The following SGCD variants were observed in gnomAD, a reference collection of about 807,000 sequenced individuals.
The protein encoded by SGCD is sarcoglycan delta.
SGCD carries 18 observed loss-of-function variants against 36.6 expected under a neutral mutation model. That is an observed-to-expected ratio of 0.49 (90% CI 0.34 to 0.73). The LOEUF is 0.73. Among genes scored for constraint, SGCD ranks in the 30% least tolerant of loss-of-function variants. The pLI, the probability that SGCD is intolerant of heterozygous loss-of-function variation, is 0.01. For synonymous variants in SGCD, 133 were observed against 130.6 expected (o/e 1.02, Z -0.12); for missense variants, 387 against 346.7 (o/e 1.12, Z -0.92).
At chr5:156,164,409 T>C (rs918179535) in intron 3 of SGCD, among the ~76,000 whole-genome samples, 2 of 152,210 alleles carry the variant, frequency 1.3e-5, no homozygotes, top group Non-Finnish European at 2.9e-5. Flanking sequence ...CTTTTCTCTC[T>C]GCCTTTTCAG....
intron 3 of SGCD, among the ~76,000 whole-genome samples, chr5:156,203,773 C>T (rs1366227): frequency 0.39 from 59,150 of 151,798 alleles, 13,274 homozygotes; most frequent in African/African-American, 0.62. Context: ...AGTTAATTAG[C>T]GGCAGTGGAG....
At chr5:155,781,998 C>A in the SGCD span, among the ~76,000 whole-genome samples, 1 of 150,712 alleles carries the variant, frequency 6.6e-6, no homozygotes, top group South Asian at 2.1e-4. Context: ...TCATTTCAAT[C>A]ACAGCCATAC....
At chr5:156,753,427 A>C (rs1235527658) in intron 7 of SGCD, among the ~76,000 whole-genome samples, 1 of 152,194 alleles carries the variant, frequency 6.6e-6, no homozygotes, top group Non-Finnish European at 1.5e-5. Context: ...ATGCCATCTA[A>C]ACAATTGTGT....
chr5:156,444,798 T>TAAA (rs1753689457), intron 3 of SGCD, among the ~76,000 whole-genome samples: 1 of 152,168 alleles, frequency 6.6e-6, no homozygotes, highest in Non-Finnish European at 1.5e-5. Flanking sequence ...TCAACATTTT[T>TAAA]AAGCTTAAAA....
chr5:155,970,862 C>G (rs1420573839), intron 1 of SGCD, among the ~76,000 whole-genome samples: 1 of 152,130 alleles, frequency 6.6e-6, no homozygotes, highest in Non-Finnish European at 1.5e-5. Context: ...ATCTATCTAA[C>G]AGTGATTTCA....
At chr5:156,512,353 C>G (rs1054999685) in intron 4 of SGCD, among the ~76,000 whole-genome samples, 1 of 152,034 alleles carries the variant, frequency 6.6e-6, no homozygotes, top group African/African-American at 2.4e-5. Flanking sequence ...TGTACTTTTT[C>G]TATGTTTAGA....
At chr5:156,081,266 A>G (rs372191181) in intron 1 of SGCD, among the ~76,000 whole-genome samples, 48 of 152,324 alleles carry the variant, frequency 3.2e-4, no homozygotes, top group Admixed American at 2.0e-3. Flanking sequence ...CGCACTCACT[A>G]TCATGAGGAC....
intron 1 of SGCD, among the ~76,000 whole-genome samples, chr5:156,033,261 G>T (rs1198411751): frequency 2.6e-5 from 4 of 151,914 alleles, no homozygotes; most frequent in Admixed American, 2.6e-4. Context: ...ATATATTTAG[G>T]GGATACAAGT....
intron 2 of SGCD, among the ~76,000 whole-genome samples, chr5:156,119,119 G>C (rs912480196): frequency 2.6e-5 from 4 of 152,134 alleles, no homozygotes; most frequent in Non-Finnish European, 1.5e-5. Context: ...CTGAGGAAAT[G>C]TACCTTCTTC....
intron 1 of SGCD, among the ~76,000 whole-genome samples, chr5:155,931,557 G>A (rs1757097531): frequency 1.3e-5 from 2 of 152,066 alleles, no homozygotes; most frequent in South Asian, 4.1e-4. Flanking sequence ...GTGCTTGGGG[G>A]CTATTAAATA....
the SGCD span, among the ~76,000 whole-genome samples, chr5:155,735,316 A>G: frequency 2.0e-5 from 3 of 152,242 alleles, no homozygotes; most frequent in Non-Finnish European, 4.4e-5. Context: ...TAGAAGGGAC[A>G]TTCTGATTTA....
chr5:155,893,196 C>CTA (rs144484516), intron 1 of SGCD, among the ~76,000 whole-genome samples: 31,048 of 151,584 alleles, frequency 0.2, 3,765 homozygotes, highest in Admixed American at 0.42. Context: ...GGTCATTATA[C>CTA]TATATATATA....
the SGCD span, among the ~76,000 whole-genome samples, chr5:155,865,327 C>T: frequency 5.7e-4 from 86 of 152,124 alleles, 1 homozygote; most frequent in South Asian, 0.015. Flanking sequence ...AAATCTCTAA[C>T]ATCTGACTTA....
At position 156,029,562 on chromosome 5, in the gene SGCD, A is replaced by G. The variant is rs552097302; in HGVS notation, c.-281-88316A>G. 7.9e-5 allele frequency among the ~76,000 whole-genome samples: 12 copies of G among 152,336 alleles called. No individual in the cohort carries two copies. The South Asian group carries it at 2.5e-3, about 32-fold the overall frequency. On this transcript the variant is annotated intron_variant, in intron 1 of 9. Transcript: ENST00000517913. ...GCTTAGTATCAGGAGAATGAAGTCC[A>G]GGGTTGTATGGGCATATTCGGCTGC...
intron 3 of SGCD, among the ~76,000 whole-genome samples, chr5:156,358,812 A>G (rs1769625175): frequency 6.6e-6 from 1 of 152,180 alleles, no homozygotes; most frequent in African/African-American, 2.4e-5. Flanking sequence ...AAATGAAGAA[A>G]TGGGCATCTA....
chr5:156,009,585 C>G (rs1265302043), intron 1 of SGCD, among the ~76,000 whole-genome samples: 2 of 152,184 alleles, frequency 1.3e-5, no homozygotes, highest in East Asian at 3.9e-4. Flanking sequence ...ATTGCTAATA[C>G]AACGTTCAGC....
At position 156,595,033 on chromosome 5, in the gene SGCD, G is replaced by A; in HGVS notation, c.484G>A (p.Glu162Lys). ...CAATAATGAAGTGGTAGTAGGAGCT[G>A]AAAGATTACGAGTTTTAGGTAAGGA... Reference protein sequence around the residue: ...ADNNEVVVGAERLRVLGAEGT... With the variant: ...ADNNEVVVGAKRLRVLGAEGT... Residue 162 changes from glutamate (E) to lysine (K), a missense_variant, in exon 6 of 9, where the codon GAA becomes AAA. Coordinates refer to ENST00000337851, the MANE Select transcript of SGCD (RefSeq NM_000337.6). 1 of 1,611,890 alleles carries A rather than the reference G, an allele frequency of 6.2e-7. No individual in the cohort carries two copies. The highest frequency in any genetic ancestry group is 8.5e-7 in the Non-Finnish European group (1 of 1,178,702).
chr5:156,424,479 T>A (rs939765557), intron 3 of SGCD, among the ~76,000 whole-genome samples: 17 of 152,114 alleles, frequency 1.1e-4, no homozygotes, highest in African/African-American at 3.9e-4. Flanking sequence ...CACATCTCTG[T>A]TAAAAACCTG....
chr5:156,203,559 T>A (rs1316824185), intron 3 of SGCD, among the ~76,000 whole-genome samples: 3 of 152,172 alleles, frequency 2.0e-5, no homozygotes, highest in Non-Finnish European at 4.4e-5. Context: ...CCACATTTAC[T>A]GAACTGTATT....
Sources: gnomAD v4.1 joint callset for allele counts (sites outside exome capture counted in the v4.1 genomes callset) on GRCh38, gnomAD v4.1.1 for gene constraint, MANE v1.5 for transcripts, NCBI Gene and HGNC (gene_info 2026-07-23, HGNC 2026-07-21) for gene names.